HMGCLL1: variants seen among roughly 807,000 people sequenced by gnomAD.
HMGCLL1 encodes 3-hydroxy-3-methylglutaryl-CoA lyase like 1, also known as 3-hydroxymethyl-3-methylglutaryl-CoA lyase, cytoplasmic.
HMGCLL1 carries 36 observed loss-of-function variants against 39.1 expected under a neutral mutation model. That is an observed-to-expected ratio of 0.92 (90% CI 0.71 to 1.22). The LOEUF is 1.22. Among genes scored for constraint, HMGCLL1 ranks in the 50% most tolerant of loss-of-function variants. The pLI is 0.00. For missense variants in HMGCLL1, 451 were observed against 416.5 expected (o/e 1.08, Z -0.72); for synonymous variants, 149 against 144.0 (o/e 1.03, Z -0.25).
At chr6:55,579,476 T>C (rs73446406), upstream of HMGCLL1, among the ~76,000 whole-genome samples, 142 of 152,334 alleles carry the variant, frequency 9.3e-4, no homozygotes, top group African/African-American at 2.3e-3. Flanking sequence ...TGAGTGTTTA[T>C]GTTGATGAGT....
At chr6:55,438,713 T>C (rs1225883636) in intron 8 of HMGCLL1, among the ~76,000 whole-genome samples, 1 of 151,982 alleles carries the variant, frequency 6.6e-6, no homozygotes, top group Non-Finnish European at 1.5e-5. Flanking sequence ...AAAGGAGGAA[T>C]AGGAGCAGCA....
At chr6:55,554,468 A>G (rs1476289327) in intron 1 of HMGCLL1, among the ~76,000 whole-genome samples, 1 of 152,134 alleles carries the variant, frequency 6.6e-6, no homozygotes, top group Non-Finnish European at 1.5e-5. Flanking sequence ...AAGAGACTTC[A>G]CGATTCCTTT....
At chr6:55,670,021 C>G in the HMGCLL1 span, among the ~76,000 whole-genome samples, 26 of 151,740 alleles carry the variant, frequency 1.7e-4, no homozygotes, top group East Asian at 4.7e-3. Context: ...AGAATCAATC[C>G]TAAGAAATTC....
At chr6:55,577,162 A>G (rs768103404) in intron 1 of HMGCLL1, 1 of 1,585,586 alleles carries the variant, frequency 6.3e-7, no homozygotes, top group African/African-American at 1.4e-5. Flanking sequence ...TTGTTAGAAG[A>G]GAAGTCTAGG....
chr6:55,516,565 T>A lies in HMGCLL1; in HGVS notation c.336A>T (p.Gln112His). Residue 112 changes from glutamine to histidine, a missense_variant, in exon 4 of 9, where the codon CAA becomes CAT. Physicochemically the swap from Gln to His is conservative, Grantham distance 24. Transcript: ENST00000274901. ...DHTEVMKGIH[Q>H]YPGVRYPVLT... ...GGACAGGATAGCGAACTCCTGGATA[T>A]TGATGAATGCCTTTCATTACTTCAG... 2 of 1,603,498 alleles carry A rather than the reference T, an allele frequency of 1.2e-6. No individual in the cohort carries two copies. Among genetic ancestry groups the A allele is most frequent in the Non-Finnish European group, 1.7e-6 (2 of 1,172,772 alleles).
At chr6:55,582,312 C>G (rs187226243), upstream of HMGCLL1, among the ~76,000 whole-genome samples, 81 of 152,238 alleles carry the variant, frequency 5.3e-4, no homozygotes, top group Admixed American at 1.5e-3. Flanking sequence ...TTGTAGGCAG[C>G]CAGCAAATGT....
the HMGCLL1 span, among the ~76,000 whole-genome samples, chr6:55,611,693 A>G: frequency 6.6e-6 from 1 of 151,956 alleles, no homozygotes; most frequent in Admixed American, 6.6e-5. Context: ...GTCACTTAAA[A>G]ATGACAAAAA....
intron 7 of HMGCLL1, among the ~76,000 whole-genome samples, chr6:55,493,991 G>A (rs1015548308): frequency 6.6e-6 from 1 of 152,076 alleles, no homozygotes; most frequent in Non-Finnish European, 1.5e-5. Context: ...GCCCACCTCA[G>A]CCTCCCAAAG....
the HMGCLL1 span, among the ~76,000 whole-genome samples, chr6:55,606,434 G>A: frequency 6.6e-6 from 1 of 152,116 alleles, no homozygotes; most frequent in Admixed American, 6.6e-5. Flanking sequence ...GTTAGTGGCA[G>A]AGATAAGATT....
chr6:55,620,204 A>G, the HMGCLL1 span, among the ~76,000 whole-genome samples: 1 of 152,108 alleles, frequency 6.6e-6, no homozygotes, highest in East Asian at 1.9e-4. Context: ...TTTTGGCAAT[A>G]TACCTATCAG....
chr6:55,614,200 T>A, the HMGCLL1 span, among the ~76,000 whole-genome samples: 1 of 152,138 alleles, frequency 6.6e-6, no homozygotes, highest in Admixed American at 6.6e-5. Context: ...CTCCAAGGAT[T>A]CATATGTTGA....
chr6:55,541,789 G>T lies in HMGCLL1; in HGVS notation c.237C>A (p.Ser79=). 6.2e-7 allele frequency: 1 copy of T among 1,609,802 alleles called. No homozygotes were observed. The highest frequency in any genetic ancestry group is 8.5e-7 in the Non-Finnish European group (1 of 1,177,670). Residue 79 remains serine, a synonymous_variant, in exon 3 of 9, where the codon TCC becomes TCA. Coordinates refer to ENST00000274901, the MANE Select transcript of HMGCLL1 (RefSeq NM_001042406.2). ...DIKIEFINRL[S]QTGLSVIEVT... ...CTTCTATTACAGACAAGCCAGTTTGGGAAAGTCGATTGATAAATTCAATTT... is the reference window on the plus strand; with the variant it reads ...CTTCTATTACAGACAAGCCAGTTTGTGAAAGTCGATTGATAAATTCAATTT...
chr6:55,532,899 C>A (rs935854990), intron 3 of HMGCLL1, among the ~76,000 whole-genome samples: 11 of 150,292 alleles, frequency 7.3e-5, no homozygotes, highest in African/African-American at 2.7e-4. Context: ...TTTCCATATT[C>A]TTTTTTTGAG....
the HMGCLL1 span, among the ~76,000 whole-genome samples, chr6:55,676,878 C>T: frequency 2.9e-4 from 44 of 152,296 alleles, no homozygotes; most frequent in Middle Eastern, 0.01. Context: ...AGATGGTTCC[C>T]GCATGCGGGG....
At chr6:55,670,436 C>G in the HMGCLL1 span, among the ~76,000 whole-genome samples, 1 of 151,758 alleles carries the variant, frequency 6.6e-6, no homozygotes, top group Admixed American at 6.6e-5. Flanking sequence ...TGGTAAACAT[C>G]TGAGTTATGT....
At chr6:55,516,343 T>TC (rs1472306540) in intron 4 of HMGCLL1, among the ~76,000 whole-genome samples, 165 bp downstream of exon 4, 1 of 152,114 alleles carries the variant, frequency 6.6e-6, no homozygotes, top group Non-Finnish European at 1.5e-5. Flanking sequence ...ACCACTTTAG[T>TC]CCCCAACAAT....
At chr6:55,602,547 G>A in the HMGCLL1 span, among the ~76,000 whole-genome samples, 55 of 151,970 alleles carry the variant, frequency 3.6e-4, 1 homozygote, top group South Asian at 0.011. Flanking sequence ...TAACAATTAG[G>A]CATTAATCAT....
chr6:55,635,494 A>G, the HMGCLL1 span, among the ~76,000 whole-genome samples: 2 of 152,158 alleles, frequency 1.3e-5, no homozygotes, highest in Non-Finnish European at 2.9e-5. Context: ...ATTAAGTTTC[A>G]TATGTATTAT....
intron 3 of HMGCLL1, among the ~76,000 whole-genome samples, chr6:55,533,089 T>A (rs1768781991): frequency 6.6e-6 from 1 of 151,288 alleles, no homozygotes. Flanking sequence ...ACCAGAGGAA[T>A]TCAGGAATTT....
Sources: allele counts gnomAD v4.1 joint callset (sites outside exome capture counted in the v4.1 genomes callset), GRCh38; gene constraint gnomAD v4.1.1; transcripts MANE v1.5; gene names NCBI Gene and HGNC (gene_info 2026-07-23, HGNC 2026-07-21).